Variants in MTCL2 observed in about 807,000 individuals in gnomAD.
MTCL2 encodes microtubule crosslinking factor 2, also known as microtubule cross-linking factor 2.
the MTCL2 span, chr20:36,786,534 G>C: frequency 6.4e-7 from 1 of 1,550,834 alleles, no homozygotes; most frequent in Non-Finnish European, 8.7e-7. Flanking sequence ...GCTGGACTCT[G>C]AAGGGTGCAG....
the MTCL2 span, among the ~76,000 whole-genome samples, chr20:36,790,601 A>G: frequency 6.7e-6 from 1 of 150,196 alleles, no homozygotes; most frequent in African/African-American, 2.5e-5. Flanking sequence ...CGCCTGGCTA[A>G]TTTTTTGTAT....
chr20:36,840,771 A>C, the MTCL2 span, among the ~76,000 whole-genome samples: 1 of 151,808 alleles, frequency 6.6e-6, no homozygotes, highest in Non-Finnish European at 1.5e-5. Flanking sequence ...GCGTGAACCC[A>C]GGAGGCGGAG....
chr20:36,810,023 G>A, the MTCL2 span: 6 of 1,600,850 alleles, frequency 3.7e-6, no homozygotes, highest in East Asian at 2.3e-5. Context: ...TCCTCCTTTC[G>A]TAGCTGCCGC....
At chr20:36,831,088 C>T in the MTCL2 span, among the ~76,000 whole-genome samples, 14 of 152,262 alleles carry the variant, frequency 9.2e-5, no homozygotes, top group African/African-American at 3.4e-4. Context: ...CTGTTCTGTC[C>T]CCTGCTGGCT....
At chr20:36,856,677 A>C in the MTCL2 span, among the ~76,000 whole-genome samples, 3 of 152,260 alleles carry the variant, frequency 2.0e-5, no homozygotes, top group Non-Finnish European at 4.4e-5. Flanking sequence ...CAGCTCCAGA[A>C]GGTTACAAAG....
At chr20:36,824,356 C>G in the MTCL2 span, among the ~76,000 whole-genome samples, 2 of 152,186 alleles carry the variant, frequency 1.3e-5, no homozygotes, top group Admixed American at 1.3e-4. Flanking sequence ...TGAGGTCCTG[C>G]TACATTCTTC....
At chr20:36,846,653 T>C in the MTCL2 span, among the ~76,000 whole-genome samples, 2 of 152,184 alleles carry the variant, frequency 1.3e-5, no homozygotes, top group African/African-American at 4.8e-5. Context: ...GCCCCTGGTC[T>C]CCTCCCTACT....
At chr20:36,829,252 A>C in the MTCL2 span, 1 of 1,553,690 alleles carries the variant, frequency 6.4e-7, no homozygotes. Context: ...GAGCAGGCTG[A>C]GGAGAGCCCC....
chr20:36,777,452 A>G, the MTCL2 span: 2 of 211,212 alleles, frequency 9.5e-6, no homozygotes, highest in African/African-American at 4.6e-5. Flanking sequence ...AGCTGTTCAT[A>G]TGACATACTT....
chr20:36,814,328 T>C, the MTCL2 span, among the ~76,000 whole-genome samples: 1 of 152,194 alleles, frequency 6.6e-6, no homozygotes, highest in Non-Finnish European at 1.5e-5. Context: ...ACAATAGATA[T>C]AAAGCAATCT....
At chr20:36,830,579 A>ACAAAG in the MTCL2 span, among the ~76,000 whole-genome samples, 1 of 152,158 alleles carries the variant, frequency 6.6e-6, no homozygotes, top group Non-Finnish European at 1.5e-5. Context: ...TAAAAACAAA[A>ACAAAG]CAAAGCAAAG....
At chr20:36,784,121 G>A in the MTCL2 span, 7 of 985,612 alleles carry the variant, frequency 7.1e-6, no homozygotes, top group East Asian at 1.1e-4. Context: ...GGCTGAGTAC[G>A]CAGCCTCCCT....
the MTCL2 span, among the ~76,000 whole-genome samples, chr20:36,800,309 G>A: frequency 6.6e-6 from 1 of 152,200 alleles, no homozygotes; most frequent in African/African-American, 2.4e-5. Flanking sequence ...AATATAATAA[G>A]AAGGAATTAT....
At chr20:36,812,994 C>T in the MTCL2 span, 4 of 904,312 alleles carry the variant, frequency 4.4e-6, no homozygotes, top group African/African-American at 6.8e-5. Context: ...TTCACCTCTG[C>T]AACCCAGACC....
chr20:36,800,835 G>A, the MTCL2 span, among the ~76,000 whole-genome samples: 3 of 152,276 alleles, frequency 2.0e-5, no homozygotes, highest in Middle Eastern at 3.4e-3. Context: ...AAAGCAAAAA[G>A]GGCCTTCTTG....
chr20:36,826,379 T>TTCTCCC, the MTCL2 span, among the ~76,000 whole-genome samples: 1 of 63,170 alleles, frequency 1.6e-5, no homozygotes, highest in African/African-American at 7.2e-5. Context: ...CTCCCTCTCC[T>TTCTCCC]TCTCCCTCTC....
the MTCL2 span, chr20:36,839,308 C>T: frequency 8.1e-6 from 13 of 1,612,736 alleles, no homozygotes; most frequent in Middle Eastern, 1.6e-4. The surrounding 1 kb of genome is among the most constrained non-coding windows in gnomAD (Gnocchi z 5.1). Context: ...TTTGCGCAGC[C>T]GGTACTGCAG....
At chr20:36,822,033 G>A in the MTCL2 span, among the ~76,000 whole-genome samples, 1 of 152,242 alleles carries the variant, frequency 6.6e-6, no homozygotes, top group Non-Finnish European at 1.5e-5. Context: ...GAGGAGACGA[G>A]TTCCACCCTT....
the MTCL2 span, among the ~76,000 whole-genome samples, chr20:36,825,082 A>G: frequency 6.6e-6 from 1 of 151,860 alleles, no homozygotes; most frequent in African/African-American, 2.4e-5. Context: ...AGCTGGGATT[A>G]CAGGCGCCCA....
Sources: gnomAD v4.1 joint callset for allele counts (sites outside exome capture counted in the v4.1 genomes callset) on GRCh38, gnomAD v4.1.1 for gene constraint, Gnocchi (gnomAD v3.1) non-coding constraint, MANE v1.5 for transcripts, NCBI Gene and HGNC (gene_info 2026-07-23, HGNC 2026-07-21) for gene names.